Variants in MEGF10 observed in about 807,000 individuals in gnomAD.
The protein encoded by MEGF10 is multiple epidermal growth factor-like domains protein 10.
Under a neutral mutation model 147.5 loss-of-function variants are expected in MEGF10, and 86 were observed. The observed-to-expected ratio is 0.58, with a 90% CI of 0.49 to 0.70. The LOEUF is 0.70. MEGF10 is among the 30% of genes least tolerant of loss of function. The pLI is 0.00. For missense variants in MEGF10, 1,329 were observed against 1,487.3 expected, an observed-to-expected ratio of 0.89 and a Z score of 1.75; for synonymous variants, 478 against 525.5, an observed-to-expected ratio of 0.91 and a Z score of 1.24.
chr5:127,435,435 A>T lies in MEGF10; in HGVS notation c.2050A>T (p.Ile684Phe), dbSNP rs772306149. ...TCTNNGTCNP[I>F]DRSCQCYPGW... The stretch of plus-strand genomic sequence containing the variant: ...CACCAACAACGGAACCTGTAACCCC[A>T]TTGACAGATCTTGTCAGTGTTACCC... The change falls in exon 16 of 25, where the codon ATT becomes TTT. Residue 684 changes from isoleucine (I) to phenylalanine (F), a missense_variant. This residue lies in a region of MEGF10 where 980 missense variants were observed against 1,085.9 expected (regional missense o/e 0.90). Transcript: ENST00000503335. 4.2e-5 allele frequency: 67 copies of T among 1,614,024 alleles called. No individual in the cohort carries two copies. The highest frequency in any genetic ancestry group is 3.5e-5 in the Non-Finnish European group (41 of 1,180,008).
the MEGF10 span, among the ~76,000 whole-genome samples, chr5:127,264,439 T>C: frequency 6.6e-6 from 1 of 152,154 alleles, no homozygotes; most frequent in Non-Finnish European, 1.5e-5. Flanking sequence ...CAATTCAAAT[T>C]AGCTGAAGAA....
chr5:127,277,216 A>G, the MEGF10 span, among the ~76,000 whole-genome samples: 2 of 152,202 alleles, frequency 1.3e-5, no homozygotes, highest in Non-Finnish European at 2.9e-5. Flanking sequence ...GATGGCTCCT[A>G]GCTCAGTTCC....
At chr5:127,243,515 C>G in the MEGF10 span, among the ~76,000 whole-genome samples, 1 of 151,884 alleles carries the variant, frequency 6.6e-6, no homozygotes, top group Admixed American at 6.6e-5. Flanking sequence ...ATTTTTCTTA[C>G]GTGAGAAACA....
the MEGF10 span, among the ~76,000 whole-genome samples, chr5:127,239,376 GACACAC>G: frequency 5.9e-3 from 725 of 123,470 alleles, 5 homozygotes; most frequent in African/African-American, 0.019. Flanking sequence ...GATGATGGAA[GACACAC>G]ACACACACAC....
chr5:127,333,577 C>T (rs774561296), intron 2 of MEGF10, among the ~76,000 whole-genome samples: 7 of 151,836 alleles, frequency 4.6e-5, no homozygotes, highest in South Asian at 2.1e-4. Context: ...TCAAATAATC[C>T]GGCACCCACT....
At chr5:127,264,936 A>G in the MEGF10 span, among the ~76,000 whole-genome samples, 7 of 150,648 alleles carry the variant, frequency 4.6e-5, no homozygotes, top group African/African-American at 1.7e-4. Flanking sequence ...TTTTTATTAT[A>G]CTTTAAGTTC....
chr5:127,244,751 A>G, the MEGF10 span, among the ~76,000 whole-genome samples: 8,788 of 152,230 alleles, frequency 0.058, 293 homozygotes, highest in South Asian at 0.095. Flanking sequence ...TACTAAACCA[A>G]GCTATTGTCA....
chr5:127,368,881 T>C (rs1482815419), intron 4 of MEGF10, among the ~76,000 whole-genome samples: 2 of 152,196 alleles, frequency 1.3e-5, no homozygotes. Flanking sequence ...AAAAATATGA[T>C]TCTATTTTTT....
rs1056530976 is a variant in MEGF10, at chr5:127,457,009, G to A, written c.3233-119G>A. 3.9e-6 allele frequency: 4 copies of A among 1,030,952 alleles called. No individual in the cohort carries two copies. The South Asian group carries it at 5.7e-5, about 15-fold the overall frequency. The allele number at this position is 1,030,952 out of a possible 1,614,324, so 63.9% of individuals were successfully genotyped here. ...TTTTAAAATCATGTTTTTAAAACCA[G>A]CATTTCCTTATATTTTTTTAAAAGT... On this transcript the variant is annotated intron_variant, in intron 24 of 24. Coordinates refer to ENST00000503335, the MANE Select transcript of MEGF10 (RefSeq NM_001256545.2).
chr5:127,308,864 TA>T (rs1580692545), intron 1 of MEGF10, among the ~76,000 whole-genome samples: 2 of 151,674 alleles, frequency 1.3e-5, no homozygotes, highest in African/African-American at 4.8e-5. Flanking sequence ...AAAGTATAAT[TA>T]AAAAAATAAT....
chr5:127,288,207 C>A (rs1364280421), upstream of MEGF10, among the ~76,000 whole-genome samples: 1 of 151,848 alleles, frequency 6.6e-6, no homozygotes, highest in African/African-American at 2.4e-5. Context: ...TTATGTAAAA[C>A]CTAAAAGTAC....
At position 127,369,700 on chromosome 5, in the gene MEGF10, A is replaced by G. The variant is rs543567794; in HGVS notation, c.320-210A>G. ...GAAGTAGAATAGAATAGTAGAAATGATGGGATTTATTTGGTGATACCAAAA... is the reference window on the plus strand; with the variant it reads ...GAAGTAGAATAGAATAGTAGAAATGGTGGGATTTATTTGGTGATACCAAAA... On this transcript the variant is annotated intron_variant, in intron 4 of 24. Coordinates refer to ENST00000503335, the MANE Select transcript of MEGF10 (RefSeq NM_001256545.2). Among the ~76,000 whole-genome samples, 114 of 152,320 alleles carry G rather than the reference A, an allele frequency of 7.5e-4. 1 individual carries two copies. The highest frequency in any genetic ancestry group is 1.3e-3 in the Non-Finnish European group (86 of 68,026).
the MEGF10 span, among the ~76,000 whole-genome samples, chr5:127,243,246 A>T: frequency 6.6e-5 from 10 of 152,186 alleles, no homozygotes; most frequent in Non-Finnish European, 1.2e-4. Flanking sequence ...GGTTGTTTTC[A>T]GCAGAGGTTA....
intron 1 of MEGF10, among the ~76,000 whole-genome samples, chr5:127,314,030 G>A (rs997701700): frequency 6.6e-6 from 1 of 152,086 alleles, no homozygotes; most frequent in Admixed American, 6.6e-5. Context: ...AACCAAGGGC[G>A]GCCCTGAGCT....
At chr5:127,424,931 A>G (rs909374195) in intron 13 of MEGF10, 1 of 152,346 alleles carries the variant, frequency 6.6e-6, no homozygotes, top group Non-Finnish European at 1.5e-5. Context: ...GAAGCAAAAT[A>G]ACATTTTTAA....
the MEGF10 span, among the ~76,000 whole-genome samples, chr5:127,284,995 A>G: frequency 6.6e-6 from 1 of 152,238 alleles, no homozygotes; most frequent in Non-Finnish European, 1.5e-5. Context: ...GGTAATTGAA[A>G]AAATATCTCA....
rs545190577 is a variant in MEGF10, at chr5:127,383,109, G to A, written c.412+13107G>A. Among the ~76,000 whole-genome samples, 48 of 152,100 alleles carry A rather than the reference G, an allele frequency of 3.2e-4. No homozygotes were observed. In the South Asian group the frequency reaches 9.5e-3, roughly 30 times the overall value. ...TTTTATTTCTACTTCTTTATAATTT[G>A]TTTATATATTTTGTGGAAACATGTA... On this transcript the variant is annotated intron_variant, in intron 5 of 24. Transcript: ENST00000503335.
At chr5:127,391,146 A>ACACACG (rs1376477713) in intron 5 of MEGF10, among the ~76,000 whole-genome samples, 5 of 64,612 alleles carry the variant, frequency 7.7e-5, no homozygotes, top group Non-Finnish European at 2.0e-4. Flanking sequence ...ACACACACAC[A>ACACACG]CACACACATA....
chr5:127,316,041 C>T (rs892527560), intron 1 of MEGF10, among the ~76,000 whole-genome samples: 2 of 152,204 alleles, frequency 1.3e-5, no homozygotes, highest in Non-Finnish European at 2.9e-5. Flanking sequence ...GGCCCACAGG[C>T]AGGCCCCAGG....
Sources: gnomAD v4.1 joint callset for allele counts (sites outside exome capture counted in the v4.1 genomes callset) on GRCh38, gnomAD v4.1.1 for gene constraint, gnomAD v4.1.1 regional missense constraint, MANE v1.5 for transcripts, NCBI Gene and HGNC (gene_info 2026-07-23, HGNC 2026-07-21) for gene names.